HELB: variants seen among roughly 807,000 people sequenced by gnomAD.
HELB encodes the protein DNA helicase B, also known as DNA 5'-3' helicase B.
A neutral mutation model predicts 101.7 loss-of-function variants in HELB; 96 were observed. That is an observed-to-expected ratio of 0.94 (90% CI 0.80 to 1.12). The LOEUF (loss-of-function observed/expected upper bound fraction) is 1.12, where lower values mean the gene tolerates loss of function less well. Ranked by LOEUF, HELB falls within the 50% of genes most tolerant of loss-of-function variation. HELB has a pLI of 0.00. For synonymous variants in HELB, 437 were observed against 459.7 expected (o/e 0.95, Z 0.63); for missense variants, 1,210 against 1,291.9 (o/e 0.94, Z 0.97).
intron 6 of HELB, 65 bp from the exon 7 acceptor site, chr12:66,318,573 G>C: frequency 7.0e-7 from 1 of 1,430,640 alleles, no homozygotes; most frequent in Non-Finnish European, 9.4e-7. Flanking sequence ...CATTAGCTCT[G>C]ATCATATATG....
At chr12:66,322,497 G>A (rs543450231) in intron 8 of HELB, among the ~76,000 whole-genome samples, 8 of 150,812 alleles carry the variant, frequency 5.3e-5, no homozygotes, top group African/African-American at 1.7e-4. Context: ...CCCGGGAGGT[G>A]GAGGTTGCAG....
intron 11 of HELB, among the ~76,000 whole-genome samples, chr12:66,327,751 A>G (rs1333037027): frequency 6.6e-6 from 1 of 152,188 alleles, no homozygotes; most frequent in Non-Finnish European, 1.5e-5. Flanking sequence ...TGAAGCTTAA[A>G]TTTGGTGGGA....
intron 12 of HELB, among the ~76,000 whole-genome samples, chr12:66,335,364 AGAG>A (rs1374005575): frequency 6.6e-6 from 1 of 152,176 alleles, no homozygotes; most frequent in Non-Finnish European, 1.5e-5. Flanking sequence ...GAGATCTGGC[AGAG>A]GAGGAGGAAC....
chr12:66,337,542 A>G (rs796682153), intron 12 of HELB, among the ~76,000 whole-genome samples: 21 of 152,110 alleles, frequency 1.4e-4, no homozygotes, highest in African/African-American at 5.1e-4. Flanking sequence ...TGGCATTGCA[A>G]TGTTTTATCT....
chr12:66,317,089 C>T (rs1037064485), intron 6 of HELB, among the ~76,000 whole-genome samples: 26 of 149,970 alleles, frequency 1.7e-4, no homozygotes, highest in Non-Finnish European at 3.0e-4. Context: ...CCCAGCTAGT[C>T]GGGAGGCTGA....
rs772445029 is a variant in HELB at position 66,318,629 on chromosome 12, T to A, written c.2001-9T>A. On this transcript the variant is annotated splice_polypyrimidine_tract_variant and intron_variant, in intron 6 of 12. Coordinates refer to ENST00000247815, the MANE Select transcript of HELB (RefSeq NM_001370285.1). ...TGTTCTTTGTGTGTGTGTGTTATCT[T>A]TATTCAAGAATCTCAAGACGCCAAT... 5.1e-5 allele frequency: 81 copies of A among 1,593,298 alleles called. No homozygotes were observed. The highest frequency in any genetic ancestry group is 6.7e-5 in the Non-Finnish European group (79 of 1,174,884).
chr12:66,340,603 T>C, downstream of HELB: 1 of 49,472 alleles, frequency 2.0e-5, no homozygotes, highest in East Asian at 8.9e-4. Context: ...ATAGGATATA[T>C]ATATGTGGGG....
At chr12:66,331,682 A>G (rs767662335) in intron 12 of HELB, 37 bp downstream of exon 12, 1 of 1,550,466 alleles carries the variant, frequency 6.4e-7, no homozygotes, top group South Asian at 1.2e-5. Context: ...AGTTTTATTT[A>G]AATATCGCTA....
chr12:66,336,327 C>G (rs1476551016), intron 12 of HELB, among the ~76,000 whole-genome samples: 1 of 152,008 alleles, frequency 6.6e-6, no homozygotes, highest in Non-Finnish European at 1.5e-5. Flanking sequence ...GGAAATAACC[C>G]AAAGGCATTT....
At chr12:66,311,280 G>A (rs1277349299) in intron 4 of HELB, among the ~76,000 whole-genome samples, 1 of 152,054 alleles carries the variant, frequency 6.6e-6, no homozygotes, top group Non-Finnish European at 1.5e-5. Flanking sequence ...GGGCAACATA[G>A]TGAGACCCCC....
Position 66,304,944 on chromosome 12 carries a change from G to A in HELB, c.401G>A (p.Cys134Tyr), listed in dbSNP as rs2053456435. ...KHICALFLKE[C>Y]EVSSDDVNKF... is the part of the protein sequence containing the mutation. ...ATCTGTGCTCTCTTTCTTAAAGAGT[G>A]TGAGGTCTCCAGTGATGATGTTAAT... The change falls in exon 2 of 13, where the codon TGT becomes TAT. Residue 134 changes from cysteine (C) to tyrosine (Y), a missense_variant. By Grantham distance (194) the Cys-to-Tyr change is radical. Coordinates refer to ENST00000247815, the MANE Select transcript of HELB (RefSeq NM_001370285.1). The A allele has an allele frequency of 6.2e-7, 1 of 1,614,066 alleles. No individual in the cohort carries two copies. Among genetic ancestry groups the A allele is most frequent in the Non-Finnish European group, 8.5e-7 (1 of 1,179,954 alleles).
At chr12:66,324,309 G>A in intron 10 of HELB, 98 bp downstream of exon 10, 1 of 881,680 alleles carries the variant, frequency 1.1e-6, no homozygotes, top group Non-Finnish European at 1.7e-6. Flanking sequence ...GATATCAGTT[G>A]ACATTCTTGT....
At chr12:66,306,300 T>C in intron 2 of HELB, 45 bp from the exon 3 acceptor site, 1 of 1,396,148 alleles carries the variant, frequency 7.2e-7, no homozygotes. Flanking sequence ...AGTCATTCTT[T>C]GGGTTCATTT....
rs776592860 is a variant in HELB, at chr12:66,323,508, C to A, written c.2298-475C>A. ...GAAATAATGTACCTAAAGCAGTTAGCGCAGTAGCTGGCCTATCACCACCAC... is the reference window on the plus strand; with the variant it reads ...GAAATAATGTACCTAAAGCAGTTAGAGCAGTAGCTGGCCTATCACCACCAC... On this transcript the variant is annotated intron_variant, in intron 9 of 12. Transcript: ENST00000247815. Among the ~76,000 whole-genome samples the A allele has an allele frequency of 3.9e-5, 6 of 152,276 alleles. No homozygotes were observed. In the East Asian group the frequency reaches 1.2e-3, roughly 29 times the overall value.
Position 66,331,456 on chromosome 12 carries a change from C to T in HELB, c.2973C>T (p.Asp991=), listed in dbSNP as rs1460498181. ...CATCTCCACTCCCTGTAGTCACAGACCACGCCATGACAAATGATGTCACCT... is the reference window on the plus strand; with the variant it reads ...CATCTCCACTCCCTGTAGTCACAGATCACGCCATGACAAATGATGTCACCT... ...PSASPLPVVT[D]HAMTNDVTWS... The change falls in exon 12 of 13, where the codon GAC becomes GAT. Residue 991 remains aspartate (D), a synonymous_variant. Transcript: ENST00000247815. 1.9e-6 allele frequency: 3 copies of T among 1,614,078 alleles called. No homozygotes were observed. The highest frequency in any genetic ancestry group is 1.1e-5 in the South Asian group (1 of 91,090).
chr12:66,336,802 C>T (rs953056982), intron 12 of HELB, among the ~76,000 whole-genome samples: 1 of 152,096 alleles, frequency 6.6e-6, no homozygotes, highest in Non-Finnish European at 1.5e-5. Flanking sequence ...ACAGGGTCTT[C>T]TGAAGAGGTC....
intron 12 of HELB, among the ~76,000 whole-genome samples, chr12:66,334,817 A>G (rs1002956400): frequency 1.3e-5 from 2 of 152,086 alleles, no homozygotes; most frequent in African/African-American, 4.8e-5. Context: ...ATACAAAATA[A>G]ACAATCCCTC....
intron 3 of HELB, among the ~76,000 whole-genome samples, chr12:66,308,982 G>T (rs2053509635): frequency 6.6e-6 from 1 of 152,102 alleles, no homozygotes; most frequent in African/African-American, 2.4e-5. Flanking sequence ...TTATAGTGAA[G>T]GGAGTTCTGT....
intron 1 of HELB, among the ~76,000 whole-genome samples, chr12:66,303,453 A>AAAC (rs571564693): frequency 9.2e-5 from 14 of 151,760 alleles, no homozygotes; most frequent in East Asian, 5.8e-4. Context: ...GTCTCTAGTA[A>AAAC]AACAACAACA....
Sources: gnomAD v4.1 joint callset for allele counts (sites outside exome capture counted in the v4.1 genomes callset) on GRCh38, gnomAD v4.1.1 for gene constraint, MANE v1.5 for transcripts, NCBI Gene and HGNC (gene_info 2026-07-23, HGNC 2026-07-21) for gene names.